SEC14L6: variants seen among roughly 807,000 people sequenced by gnomAD.
SEC14L6 encodes SEC14 like lipid binding 6.
In SEC14L6, 40 loss-of-function variants were observed where a neutral mutation model predicts 54.1. That is an observed-to-expected ratio of 0.74 (90% CI 0.57 to 0.96). The LOEUF (loss-of-function observed/expected upper bound fraction) is 0.96, where lower values mean the gene tolerates loss of function less well. Among genes scored for constraint, SEC14L6 ranks in the 40% least tolerant of loss-of-function variants. The pLI is 0.00. For missense variants in SEC14L6, 471 were observed against 498.3 expected (o/e 0.95, Z 0.52); for synonymous variants, 171 against 198.4 (o/e 0.86, Z 1.16).
chr22:30,546,534 A>C (rs2085800157), intron 1 of SEC14L6, 95 bp downstream of exon 1: 1 of 1,167,804 alleles, frequency 8.6e-7, no homozygotes, highest in Non-Finnish European at 1.2e-6. Context: ...CCAGAGCTGG[A>C]GAGTTCAGAA....
At chr22:30,527,076 A>C (rs5753181) in intron 8 of SEC14L6, among the ~76,000 whole-genome samples, 15,953 of 151,836 alleles carry the variant, frequency 0.11, 1,900 homozygotes, top group African/African-American at 0.29. Context: ...GCAGCCTGGG[A>C]AACACAGAGA....
chr22:30,530,944 T>G (rs1936948490), intron 6 of SEC14L6, among the ~76,000 whole-genome samples: 1 of 151,394 alleles, frequency 6.6e-6, no homozygotes, highest in African/African-American at 2.4e-5. Flanking sequence ...GGGATGAGAG[T>G]GAGCAGAGCC....
At chr22:30,542,771 A>G in intron 1 of SEC14L6, 5 of 1,592,034 alleles carry the variant, frequency 3.1e-6, no homozygotes, top group East Asian at 4.5e-5. Flanking sequence ...GGGCCCATCC[A>G]ACGGTTCAGA....
intron 1 of SEC14L6, among the ~76,000 whole-genome samples, chr22:30,539,193 A>G (rs2085653222): frequency 1.3e-5 from 2 of 152,176 alleles, no homozygotes; most frequent in African/African-American, 2.4e-5. Context: ...CCTGGCCAAC[A>G]TGGTGAAACC....
intron 1 of SEC14L6, among the ~76,000 whole-genome samples, chr22:30,545,096 G>C (rs950920522): frequency 6.6e-6 from 1 of 152,062 alleles, no homozygotes; most frequent in Non-Finnish European, 1.5e-5. Context: ...CATGCTCATG[G>C]AACCGTGTGA....
chr22:30,529,361 A>C lies in SEC14L6; in HGVS notation c.520-12T>G. 6.5e-7 allele frequency: 1 copy of C among 1,549,114 alleles called. No individual in the cohort carries two copies. Among genetic ancestry groups the C allele is most frequent in the South Asian group, 1.2e-5 (1 of 84,026 alleles). The stretch of plus-strand genomic sequence containing the variant: ...AGTGCTGAGAAAAACTGCGGAACCA[A>C]GTGGCAGAAGTGATGGGCGTCTGAA... On this transcript the variant is annotated splice_polypyrimidine_tract_variant and intron_variant, in intron 6 of 11. Coordinates refer to ENST00000402034, the MANE Select transcript of SEC14L6 (RefSeq NM_001193336.4).
chr22:30,546,134 G>A (rs2085795505), intron 1 of SEC14L6, among the ~76,000 whole-genome samples: 1 of 152,028 alleles, frequency 6.6e-6, no homozygotes, highest in Non-Finnish European at 1.5e-5. Flanking sequence ...TGTAATCCCA[G>A]CACTCTGGGA....
rs1301017452 is a variant in SEC14L6, at chr22:30,525,928, G to C, written c.669C>G (p.Asn223Lys). The C allele has an allele frequency of 5.0e-6, 8 of 1,604,002 alleles. No individual in the cohort carries two copies. In the African/African-American group the frequency reaches 5.3e-5, roughly 11 times the overall value. Residue 223 changes from asparagine to lysine, a missense_variant, in exon 9 of 12, where the codon AAC (asparagine) becomes AAG (lysine). Asn to Lys is a moderately conservative substitution (Grantham distance 94, BLOSUM62 0). Coordinates refer to ENST00000402034, the MANE Select transcript of SEC14L6 (RefSeq NM_001193336.4). Reference sequence around the variant, plus strand: ...TGAATTTTGTCAGCTCCTGCTTCCAGTTGTCTGCATGGGAGCAAGAGAGGG... The same window carrying C: ...TGAATTTTGTCAGCTCCTGCTTCCACTTGTCTGCATGGGAGCAAGAGAGGG... ...TRRKVVILGD[N>K]WKQELTKFIS...
At chr22:30,543,370 C>T in intron 1 of SEC14L6, 1 of 1,579,440 alleles carries the variant, frequency 6.3e-7, no homozygotes, top group South Asian at 1.1e-5. Context: ...GGCAGAGAAC[C>T]AGGTGAATAT....
intron 3 of SEC14L6, chr22:30,533,284 A>C: frequency 7.6e-6 from 2 of 261,696 alleles, no homozygotes; most frequent in Non-Finnish European, 1.2e-5. Context: ...TCTCTCCAAC[A>C]CGATCTCCGT....
chr22:30,543,949 C>A (rs1304130553), intron 1 of SEC14L6: 4 of 1,605,904 alleles, frequency 2.5e-6, no homozygotes, highest in Admixed American at 3.3e-5. Flanking sequence ...GACCAGCCTG[C>A]AGCCTGCGTC....
chr22:30,544,493 A>AC (rs1047964967), intron 1 of SEC14L6, among the ~76,000 whole-genome samples: 3 of 150,976 alleles, frequency 2.0e-5, no homozygotes, highest in Non-Finnish European at 4.4e-5. Context: ...CACCACCACC[A>AC]CCCCTCAACT....
intron 1 of SEC14L6, chr22:30,543,356 T>A: frequency 6.4e-7 from 1 of 1,573,196 alleles, no homozygotes; most frequent in Admixed American, 1.7e-5. Context: ...CAACAGCCCA[T>A]GAGGGCAGAG....
At chr22:30,539,363 G>A (rs1371480177) in intron 1 of SEC14L6, among the ~76,000 whole-genome samples, 1 of 152,206 alleles carries the variant, frequency 6.6e-6, no homozygotes. Flanking sequence ...GGGGACAAGA[G>A]TGAGACTTTG....
intron 2 of SEC14L6, among the ~76,000 whole-genome samples, chr22:30,537,435 C>T (rs1212870262): frequency 1.3e-5 from 2 of 151,988 alleles, no homozygotes; most frequent in South Asian, 2.1e-4. Context: ...AGCAACATGG[C>T]GAAACCCTGT....
Position 30,542,774 on chromosome 22 carries a change from G to A in SEC14L6, c.54+3855C>T, listed in dbSNP as rs2085747581. 3.8e-6 allele frequency: 6 copies of A among 1,592,826 alleles called. No homozygotes were observed. In the Admixed American group the frequency reaches 5.0e-5, roughly 13 times the overall value. ...CTGAACCCTGTGGGGCCCATCCAACGGTTCAGAGGAGCTGGACCAGGCCGG... is the reference window on the plus strand; with the variant it reads ...CTGAACCCTGTGGGGCCCATCCAACAGTTCAGAGGAGCTGGACCAGGCCGG... On this transcript the variant is annotated intron_variant, in intron 1 of 11. Transcript: ENST00000402034.
chr22:30,541,487 C>T (rs573520036), intron 1 of SEC14L6, among the ~76,000 whole-genome samples: 1 of 152,046 alleles, frequency 6.6e-6, no homozygotes, highest in Non-Finnish European at 1.5e-5. Context: ...GGCAAAACCC[C>T]GTCTCTACTA....
intron 1 of SEC14L6, chr22:30,542,631 C>T (rs2085743428): frequency 3.2e-6 from 5 of 1,541,924 alleles, no homozygotes; most frequent in Middle Eastern, 1.9e-4. Context: ...TGCTGCTCCC[C>T]GCGTCCTGCG....
At chr22:30,529,841 G>A (rs1434812918) in intron 6 of SEC14L6, among the ~76,000 whole-genome samples, 4 of 152,168 alleles carry the variant, frequency 2.6e-5, no homozygotes, top group Admixed American at 1.3e-4. Flanking sequence ...TCCCACGTGA[G>A]TCAGACAATA....
Sources: gnomAD v4.1 joint callset for allele counts (sites outside exome capture counted in the v4.1 genomes callset) on GRCh38, gnomAD v4.1.1 for gene constraint, MANE v1.5 for transcripts, NCBI Gene and HGNC (gene_info 2026-07-23, HGNC 2026-07-21) for gene names.